PRR16: variants seen among roughly 807,000 people sequenced by gnomAD.
The protein encoded by PRR16 is proline rich 16.
PRR16 carries 6 observed loss-of-function variants against 18.2 expected under a neutral mutation model. The ratio of observed to expected loss-of-function variants is 0.33; its 90% CI spans 0.18 to 0.65. The LOEUF (loss-of-function observed/expected upper bound fraction) is 0.65. PRR16 is among the 30% of genes least tolerant of loss of function. PRR16 has a pLI of 0.74. For missense variants in PRR16, 412 were observed against 376.6 expected (o/e 1.09, Z -0.78); for synonymous variants, 151 against 147.8 (o/e 1.02, Z -0.16).
the PRR16 span, among the ~76,000 whole-genome samples, chr5:120,734,260 G>A: frequency 3.3e-5 from 5 of 152,172 alleles, no homozygotes; most frequent in African/African-American, 1.2e-4. Flanking sequence ...GGAAGTAGCT[G>A]AAGAACAAAA....
intron 1 of PRR16, among the ~76,000 whole-genome samples, chr5:120,626,116 G>T (rs1754854544): frequency 6.6e-6 from 1 of 152,034 alleles, no homozygotes; most frequent in South Asian, 2.1e-4. Flanking sequence ...TTTCCCCAAG[G>T]CTCAGTAAGC....
At chr5:120,609,554 T>C (rs1754267636) in intron 1 of PRR16, among the ~76,000 whole-genome samples, 2 of 152,220 alleles carry the variant, frequency 1.3e-5, no homozygotes, top group African/African-American at 2.4e-5. Flanking sequence ...TTTTCGACAA[T>C]GAAAAGTTTC....
chr5:120,710,356 T>G, the PRR16 span, among the ~76,000 whole-genome samples: 4 of 152,262 alleles, frequency 2.6e-5, no homozygotes, highest in Admixed American at 2.6e-4. Flanking sequence ...AAGTTGTTTT[T>G]GGTTACTGAA....
the PRR16 span, among the ~76,000 whole-genome samples, chr5:120,782,405 ATTGT>A: frequency 6.6e-6 from 1 of 152,088 alleles, no homozygotes; most frequent in Admixed American, 6.5e-5. Context: ...GATGATTTTA[ATTGT>A]TTTATCTTTC....
intron 1 of PRR16, among the ~76,000 whole-genome samples, chr5:120,594,309 AC>A: frequency 6.6e-6 from 1 of 152,070 alleles, no homozygotes; most frequent in East Asian, 1.9e-4. Context: ...CTATACAGCA[AC>A]AACATCCAAG....
In PRR16 at chr5:120,566,273, G is replaced by A. The variant is rs151324678; in HGVS notation, c.159+101628G>A. On this transcript the variant is annotated intron_variant, in intron 1 of 1. Transcript: ENST00000407149. ...CACCAGATGTGGACTCTGAATCTTG[G>A]ACTTCCTTGCCTCCAGAACTGTGAG... Among the ~76,000 whole-genome samples the A allele has an allele frequency of 6.1e-4, 93 of 152,210 alleles. No homozygotes were observed. In the East Asian group the frequency reaches 6.8e-3, roughly 11 times the overall value.
At chr5:120,510,072 C>G (rs997010601) in intron 1 of PRR16, among the ~76,000 whole-genome samples, 2 of 152,196 alleles carry the variant, frequency 1.3e-5, no homozygotes, top group Admixed American at 1.3e-4. Context: ...GTTAAAGGTC[C>G]TTAGGTTAGA....
chr5:120,743,120 C>G, the PRR16 span, among the ~76,000 whole-genome samples: 1 of 152,148 alleles, frequency 6.6e-6, no homozygotes, highest in Admixed American at 6.5e-5. Flanking sequence ...AGAAACTGAA[C>G]ATCTTTGGTG....
chr5:120,492,624 A>T (rs1381413024), intron 1 of PRR16, among the ~76,000 whole-genome samples: 1 of 151,904 alleles, frequency 6.6e-6, no homozygotes, highest in Non-Finnish European at 1.5e-5. Context: ...TACATGGATG[A>T]GTTGTTTCAT....
At chr5:120,694,091 T>C in the PRR16 span, among the ~76,000 whole-genome samples, 2 of 152,206 alleles carry the variant, frequency 1.3e-5, no homozygotes, top group East Asian at 1.9e-4. Context: ...ACTTAATGAA[T>C]GTGAAAATAC....
chr5:120,679,643 T>A (rs1217718738), intron 1 of PRR16, among the ~76,000 whole-genome samples: 1 of 152,158 alleles, frequency 6.6e-6, no homozygotes, highest in Non-Finnish European at 1.5e-5. Flanking sequence ...ATTTAGCTAA[T>A]GTTAGATATT....
chr5:120,663,122 G>A (rs1442459772), intron 1 of PRR16, among the ~76,000 whole-genome samples: 1 of 152,094 alleles, frequency 6.6e-6, no homozygotes, highest in East Asian at 1.9e-4. Context: ...TTGTGAAAAT[G>A]CGAGGGCTTT....
chr5:120,685,286 G>A (rs1757085357), intron 1 of PRR16, among the ~76,000 whole-genome samples: 1 of 152,184 alleles, frequency 6.6e-6, no homozygotes, highest in African/African-American at 2.4e-5. Context: ...AGTGAGTACA[G>A]ATGATACTGT....
At chr5:120,513,156 G>A (rs1035522264) in intron 1 of PRR16, among the ~76,000 whole-genome samples, 1 of 152,132 alleles carries the variant, frequency 6.6e-6, no homozygotes, top group Non-Finnish European at 1.5e-5. Flanking sequence ...GGTTGTGGCT[G>A]GTTTCTTCTT....
intron 1 of PRR16, among the ~76,000 whole-genome samples, chr5:120,658,658 C>G (rs556475419): frequency 6.6e-6 from 1 of 151,850 alleles, no homozygotes; most frequent in African/African-American, 2.4e-5. Context: ...AATACATATG[C>G]ATATGGAACT....
the PRR16 span, among the ~76,000 whole-genome samples, chr5:120,774,330 C>G: frequency 6.6e-6 from 1 of 152,084 alleles, no homozygotes; most frequent in Non-Finnish European, 1.5e-5. Flanking sequence ...ATGGCTTTGT[C>G]TGCTTACTCA....
At chr5:120,544,801 A>G (rs1331607024) in intron 1 of PRR16, among the ~76,000 whole-genome samples, 1 of 151,944 alleles carries the variant, frequency 6.6e-6, no homozygotes, top group Non-Finnish European at 1.5e-5. Flanking sequence ...AAATACTGGG[A>G]TTACAGGTGT....
intron 1 of PRR16, among the ~76,000 whole-genome samples, chr5:120,516,373 C>T (rs917225110): frequency 3.4e-5 from 5 of 145,260 alleles, no homozygotes; most frequent in African/African-American, 5.1e-5. Context: ...TGCAATGAGC[C>T]GAAATCACAC....
intron 1 of PRR16, among the ~76,000 whole-genome samples, chr5:120,568,121 A>G (rs561295236): frequency 6.6e-6 from 1 of 152,338 alleles, no homozygotes; most frequent in South Asian, 2.1e-4. Context: ...TTCTTTGCAT[A>G]TTAATCATCA....
Sources: gnomAD v4.1 joint callset for allele counts (sites outside exome capture counted in the v4.1 genomes callset) on GRCh38, gnomAD v4.1.1 for gene constraint, MANE v1.5 for transcripts, NCBI Gene and HGNC (gene_info 2026-07-23, HGNC 2026-07-21) for gene names.